Variants in MKRN1 observed in about 807,000 individuals in gnomAD.
The protein encoded by MKRN1 is E3 ubiquitin-protein ligase makorin-1.
A neutral mutation model predicts 55.5 loss-of-function variants in MKRN1; 9 were observed. The ratio of observed to expected loss-of-function variants is 0.16; its 90% CI spans 0.10 to 0.28. The LOEUF (loss-of-function observed/expected upper bound fraction) is 0.28. Ranked by LOEUF, MKRN1 falls within the 10% of genes least tolerant of loss-of-function variation. The pLI is 1.00. For synonymous variants in MKRN1, 253 were observed against 235.9 expected (o/e 1.07, Z -0.66); for missense variants, 488 against 626.7 (o/e 0.78, Z 2.36).
At chr7:140,474,504 A>T (rs1795060702) in intron 1 of MKRN1, 2 of 309,460 alleles carry the variant, frequency 6.5e-6, no homozygotes, top group African/African-American at 2.3e-5. Context: ...AAAAAAAAAT[A>T]AATAAATAAA....
rs1404777883 is a variant in MKRN1 at position 140,454,088 on chromosome 7, T to C, written c.*429A>G. ...AAACCTCAAGGATCCACATCCCATG[T>C]CTGGGGCAGAGGGCTATTGGCCAGC... On this transcript the variant is annotated 3_prime_UTR_variant, in exon 8 of 8. Transcript: ENST00000255977. 9.4e-6 allele frequency: 2 copies of C among 212,488 alleles called. No homozygotes were observed. Among genetic ancestry groups the C allele is most frequent in the African/African-American group, 4.5e-5 (2 of 44,120 alleles). 13.2% of individuals were successfully genotyped at this position (212,488 alleles called of 1,614,324 possible). A position where few individuals can be genotyped will look rare whatever the true frequency, so the allele number is the denominator to read the frequency against.
chr7:140,458,046 C>T (rs960148741), intron 4 of MKRN1, among the ~76,000 whole-genome samples: 1 of 152,176 alleles, frequency 6.6e-6, no homozygotes, highest in Non-Finnish European at 1.5e-5. Context: ...GTCTTCTGAA[C>T]CTACCCTGGC....
Position 140,459,165 on chromosome 7 carries a change from T to C in MKRN1, c.613A>G (p.Thr205Ala). 1.2e-6 allele frequency: 2 copies of C among 1,613,894 alleles called. No homozygotes were observed. Among genetic ancestry groups the C allele is most frequent in the Non-Finnish European group, 1.7e-6 (2 of 1,179,860 alleles). Residue 205 changes from threonine (T) to alanine (A), a missense_variant, in exon 4 of 8, where the codon ACC (threonine) becomes GCC (alanine). Physicochemically the swap from Thr to Ala is moderately conservative, Grantham distance 58. This residue lies in a region of MKRN1 where 278 missense variants were observed against 406.7 expected (regional missense o/e 0.68). Transcript: ENST00000255977. The part of the protein sequence containing the change: ...VTKEESEKEQ[T>A]AVETKKQLCP... ...AGCTGCTTCTTTGTCTCCACGGCGGTTTGCTCTTTCTCTGATTCTTCCTTG... is the reference window on the plus strand; with the variant it reads ...AGCTGCTTCTTTGTCTCCACGGCGGCTTGCTCTTTCTCTGATTCTTCCTTG...
chr7:140,462,504 T>A (rs2130282832), intron 2 of MKRN1, among the ~76,000 whole-genome samples: 1 of 152,334 alleles, frequency 6.6e-6, no homozygotes, highest in South Asian at 2.1e-4. Context: ...AAGGCTCTAC[T>A]CCAGCTTATG....
At position 140,479,307 on chromosome 7, in the gene MKRN1, G is replaced by A. The variant is rs904572315; in HGVS notation, c.38C>T (p.Thr13Ile). 7.5e-7 allele frequency: 1 copy of A among 1,337,856 alleles called. No individual in the cohort carries two copies. The highest frequency in any genetic ancestry group is 9.6e-7 in the Non-Finnish European group (1 of 1,040,654). The allele number at this position is 1,337,856 out of a possible 1,614,324, so 82.9% of individuals were successfully genotyped here. A position where few individuals can be genotyped will look rare whatever the true frequency, so the allele number is the denominator to read the frequency against. The change falls in exon 1 of 8, where the codon ACA (threonine) becomes ATA (isoleucine). Residue 13 changes from threonine (T) to isoleucine (I), a missense_variant. Around this residue, in one of 2 missense-constraint regions of MKRN1, gnomAD observed 210 missense variants for 220.0 expected, o/e 0.95. Coordinates refer to ENST00000255977, the MANE Select transcript of MKRN1 (RefSeq NM_013446.4). ...CGCCGCTGCCGCTCCTGCTCCTGAT[G>A]TTGTGGCTGTTGTTCCGGGAGTTGC... is the stretch of plus-strand genomic sequence containing the variant. ...EAATPGTTAT[T>I]SGAGAAAATA...
intron 4 of MKRN1, 194 bp from the exon 5 acceptor site, chr7:140,457,060 G>A (rs527655336): frequency 1.1e-4 from 67 of 621,238 alleles, no homozygotes; most frequent in South Asian, 5.0e-4. Flanking sequence ...TTGTTTTTGC[G>A]GTGGTACTTA....
At chr7:140,466,434 G>T (rs1254700933) in intron 2 of MKRN1, among the ~76,000 whole-genome samples, 1 of 152,196 alleles carries the variant, frequency 6.6e-6, no homozygotes, top group African/African-American at 2.4e-5. Context: ...GGAGGCAAAG[G>T]TGGGAGCATC....
intron 2 of MKRN1, among the ~76,000 whole-genome samples, chr7:140,465,592 T>C (rs1014652542): frequency 2.0e-5 from 3 of 152,010 alleles, no homozygotes; most frequent in Non-Finnish European, 4.4e-5. Context: ...ATCTGCAATA[T>C]GCAAAACAGT....
intron 1 of MKRN1, chr7:140,473,453 G>A (rs1179528119): frequency 4.2e-6 from 1 of 240,234 alleles, no homozygotes; most frequent in Non-Finnish European, 8.4e-6. Flanking sequence ...GGGTACAAGA[G>A]AACCAAACAG....
chr7:140,463,107 T>C (rs1011943281), intron 2 of MKRN1, among the ~76,000 whole-genome samples: 1 of 152,176 alleles, frequency 6.6e-6, no homozygotes, highest in Non-Finnish European at 1.5e-5. Context: ...AAGACATTCA[T>C]ATTCCTCCTC....
At chr7:140,455,322 A>AT in intron 6 of MKRN1, 89 bp from the exon 7 acceptor site, 1 of 1,519,484 alleles carries the variant, frequency 6.6e-7, no homozygotes, top group South Asian at 1.2e-5. Context: ...ACAGGTAGGG[A>AT]TAGAACCAGT....
chr7:140,460,815 G>C (rs953517448), intron 2 of MKRN1, among the ~76,000 whole-genome samples: 4 of 152,166 alleles, frequency 2.6e-5, no homozygotes, highest in African/African-American at 4.8e-5. Context: ...GGCTTTGTAG[G>C]TCATACAATC....
Position 140,468,701 on chromosome 7 carries a change from C to CAAAAAAAA in MKRN1, c.314+3174_314+3181dup, listed in dbSNP as rs528725182. ...GGCGACAGACTGAGACTCTGTCTCA[C>CAAAAAAAA]AAAAAAAAAAAAAAAAAAAAAAAAG... On this transcript the variant is annotated intron_variant, in intron 2 of 7. Coordinates refer to ENST00000255977, the MANE Select transcript of MKRN1 (RefSeq NM_013446.4). 6.2e-3 allele frequency among the ~76,000 whole-genome samples: 199 copies of CAAAAAAAA among 32,092 alleles called. 12 individuals carry two copies. Among genetic ancestry groups the CAAAAAAAA allele is most frequent in the African/African-American group, 9.2e-3 (94 of 10,202 alleles). 21.1% of individuals were successfully genotyped at this position (32,092 alleles called of 152,430 possible).
chr7:140,463,335 G>T (rs150394608), intron 2 of MKRN1, among the ~76,000 whole-genome samples: 1 of 152,164 alleles, frequency 6.6e-6, no homozygotes, highest in African/African-American at 2.4e-5. Context: ...ACTAAGTGAT[G>T]GGGTTCTAGG....
intron 2 of MKRN1, among the ~76,000 whole-genome samples, chr7:140,460,564 G>A (rs1364371543): frequency 6.6e-6 from 1 of 152,034 alleles, no homozygotes; most frequent in Non-Finnish European, 1.5e-5. Flanking sequence ...GCCTCCCAAA[G>A]TGCTGGGGTT....
At chr7:140,456,306 T>A in intron 5 of MKRN1, 1 of 1,178,534 alleles carries the variant, frequency 8.5e-7, no homozygotes, top group Non-Finnish European at 1.1e-6. Flanking sequence ...GCTTAATGAA[T>A]GGAATAGGAA....
intron 2 of MKRN1, among the ~76,000 whole-genome samples, chr7:140,464,274 C>G (rs1297752154): frequency 6.6e-6 from 1 of 152,114 alleles, no homozygotes; most frequent in Non-Finnish European, 1.5e-5. Context: ...CTTCATGGCT[C>G]CAGCCTATAA....
intron 2 of MKRN1, among the ~76,000 whole-genome samples, chr7:140,463,804 G>T (rs147514770): frequency 2.0e-4 from 31 of 152,166 alleles, no homozygotes; most frequent in Non-Finnish European, 3.7e-4. Context: ...AGAATGGCGT[G>T]AACCTGGGAG....
At chr7:140,473,440 T>C in intron 1 of MKRN1, 1 of 285,684 alleles carries the variant, frequency 3.5e-6, no homozygotes, top group Admixed American at 5.1e-5. Context: ...AGTTACCCTG[T>C]AAGGGTACAA....
Sources: gnomAD v4.1 joint callset for allele counts (sites outside exome capture counted in the v4.1 genomes callset) on GRCh38, gnomAD v4.1.1 for gene constraint, gnomAD v4.1.1 regional missense constraint, MANE v1.5 for transcripts, NCBI Gene and HGNC (gene_info 2026-07-23, HGNC 2026-07-21) for gene names.